Variants in CRB1 observed in about 807,000 individuals in gnomAD.
CRB1 encodes crumbs cell polarity complex component 1, also known as protein crumbs homolog 1.
Under a neutral mutation model 120.0 loss-of-function variants are expected in CRB1, and 83 were observed. The observed-to-expected ratio is 0.69, with a 90% CI of 0.58 to 0.83. CRB1 has a LOEUF of 0.83. CRB1 is among the 40% of genes least tolerant of loss of function. CRB1 has a pLI of 0.00. For missense variants in CRB1, 1,699 were observed against 1,687.6 expected (o/e 1.01, Z -0.12); for synonymous variants, 625 against 612.5 (o/e 1.02, Z -0.30).
intron 1 of CRB1, among the ~76,000 whole-genome samples, chr1:197,292,006 A>T (rs1656212705): frequency 6.6e-6 from 1 of 152,102 alleles, no homozygotes; most frequent in Admixed American, 6.6e-5. Context: ...CAATTAAAAC[A>T]ACTAGAGAAG....
intron 11 of CRB1, among the ~76,000 whole-genome samples, chr1:197,456,266 C>A (rs1009520391): frequency 2.0e-5 from 3 of 152,032 alleles, no homozygotes; most frequent in Non-Finnish European, 4.4e-5. Flanking sequence ...ATTTCCTTGA[C>A]TTTTTCAGTA....
rs778627080 is a variant in CRB1 at position 197,356,926 on chromosome 1, C to T, written c.1084C>T (p.Gln362Ter). 19 of 1,614,092 alleles carry T rather than the reference C, an allele frequency of 1.2e-5. No individual in the cohort carries two copies. Among genetic ancestry groups the T allele is most frequent in the Admixed American group, 1.7e-5 (1 of 60,000 alleles). The change falls in exon 5 of 12, where the codon CAA (glutamine) becomes TAA (stop). Residue 362 changes from glutamine (Q) to a stop codon, truncating the protein, a stop_gained. Coordinates refer to ENST00000367400, the MANE Select transcript of CRB1 (RefSeq NM_201253.3). LOFTEE classifies it high-confidence loss of function. ...ATGTGTGGAGCTGTCCTCAGAGAAA[C>T]AATATGGACGCATCACTGGACTGCC... ...GECVELSSEK[Q>*]YGRITGLPSS...
intron 5 of CRB1, among the ~76,000 whole-genome samples, chr1:197,380,177 C>A (rs901136860): frequency 3.3e-5 from 5 of 152,070 alleles, no homozygotes; most frequent in Non-Finnish European, 7.4e-5. Flanking sequence ...ACCTATGAGA[C>A]AATAGTCTGG....
At chr1:197,413,114 T>G (rs1281898756) in intron 5 of CRB1, among the ~76,000 whole-genome samples, 3 of 152,194 alleles carry the variant, frequency 2.0e-5, no homozygotes, top group Non-Finnish European at 4.4e-5. Context: ...AGGGGCTTCA[T>G]GACCTCTCAG....
intron 2 of CRB1, among the ~76,000 whole-genome samples, chr1:197,343,352 T>G (rs1373962397): frequency 6.6e-6 from 1 of 152,202 alleles, no homozygotes; most frequent in Non-Finnish European, 1.5e-5. Flanking sequence ...ATGCAATTAT[T>G]GCATATCAAA....
intron 11 of CRB1, among the ~76,000 whole-genome samples, chr1:197,474,150 G>A (rs1393173430): frequency 6.6e-6 from 1 of 152,204 alleles, no homozygotes. Context: ...TAATATGTTT[G>A]TGTATTTGAG....
intron 5 of CRB1, among the ~76,000 whole-genome samples, chr1:197,420,381 A>G (rs1428489496): frequency 2.6e-5 from 4 of 152,218 alleles, no homozygotes; most frequent in African/African-American, 9.6e-5. Flanking sequence ...TTAAAATAAT[A>G]AACAGGAAAG....
At chr1:197,255,396 A>C in the CRB1 span, among the ~76,000 whole-genome samples, 1 of 152,052 alleles carries the variant, frequency 6.6e-6, no homozygotes, top group Non-Finnish European at 1.5e-5. Flanking sequence ...TCTATGCTGC[A>C]CTGGGTATCC....
At position 197,469,045 on chromosome 1, in the gene CRB1, C is replaced by T. The variant is rs555449853; in HGVS notation, c.4006-8619C>T. On this transcript the variant is annotated intron_variant, in intron 11 of 11. Transcript: ENST00000367400. ...ATGACCCTCATGAGGAAATGGGACT[C>T]ATTAATAAAGAGCCTCAACTTAAAA... 3.3e-5 allele frequency among the ~76,000 whole-genome samples: 5 copies of T among 152,128 alleles called. No homozygotes were observed. The South Asian group carries it at 1.0e-3, about 32-fold the overall frequency.
intron 3 of CRB1, 136 bp from the exon 4 acceptor site, chr1:197,347,204 G>A (rs1436149385): frequency 1.3e-5 from 10 of 796,078 alleles, no homozygotes; most frequent in African/African-American, 1.0e-4. Flanking sequence ...GTCCTGTATA[G>A]ATAATTCCCC....
intron 5 of CRB1, chr1:197,363,887 G>T: frequency 9.3e-7 from 1 of 1,077,038 alleles, no homozygotes. Context: ...GGTGCATAGA[G>T]GACCCTAAAC....
intron 5 of CRB1, among the ~76,000 whole-genome samples, chr1:197,393,515 G>C (rs987676276): frequency 7.3e-6 from 1 of 136,562 alleles, no homozygotes; most frequent in African/African-American, 2.9e-5. Flanking sequence ...TTCTTGAAAA[G>C]TAGTCATTTT....
At chr1:197,318,643 A>G (rs1196133479) in intron 1 of CRB1, among the ~76,000 whole-genome samples, 1 of 152,176 alleles carries the variant, frequency 6.6e-6, no homozygotes, top group Non-Finnish European at 1.5e-5. Flanking sequence ...GTACTATCAC[A>G]AGGGAATGTT....
the CRB1 span, chr1:197,222,773 A>G: frequency 2.6e-6 from 3 of 1,152,588 alleles, no homozygotes; most frequent in African/African-American, 1.5e-5. Flanking sequence ...CTGAACTCCA[A>G]GTGCTACATG....
the CRB1 span, among the ~76,000 whole-genome samples, chr1:197,252,706 A>G: frequency 1.3e-5 from 2 of 149,688 alleles, no homozygotes; most frequent in East Asian, 2.0e-4. Context: ...ATTATGAAGA[A>G]TGAGAAGTCC....
intron 1 of CRB1, among the ~76,000 whole-genome samples, chr1:197,272,631 T>C (rs1654968860): frequency 6.6e-6 from 1 of 152,098 alleles, no homozygotes; most frequent in Non-Finnish European, 1.5e-5. Context: ...CAAAAGCACA[T>C]GGAGGGAGCT....
chr1:197,442,458 G>T, intron 11 of CRB1, 166 bp downstream of exon 11: 1 of 1,539,574 alleles, frequency 6.5e-7, no homozygotes, highest in South Asian at 1.2e-5. Flanking sequence ...AAAAGCCATT[G>T]AATTTCAAGA....
the CRB1 span, among the ~76,000 whole-genome samples, chr1:197,251,650 T>C: frequency 5.4e-3 from 828 of 152,160 alleles, 10 homozygotes; most frequent in African/African-American, 0.019. Context: ...TGGCTTCCTT[T>C]AATCTTTTAT....
At chr1:197,277,959 T>G (rs1451540908) in intron 1 of CRB1, among the ~76,000 whole-genome samples, 1 of 151,954 alleles carries the variant, frequency 6.6e-6, no homozygotes, top group Admixed American at 6.6e-5. Flanking sequence ...TCCACTAGGT[T>G]ATATTGCAAC....
Sources: allele counts gnomAD v4.1 joint callset (sites outside exome capture counted in the v4.1 genomes callset), GRCh38; gene constraint gnomAD v4.1.1; transcripts MANE v1.5; gene names NCBI Gene and HGNC (gene_info 2026-07-23, HGNC 2026-07-21).